KITLG: variants seen among roughly 807,000 people sequenced by gnomAD.
The protein encoded by KITLG is KIT ligand.
A neutral mutation model predicts 34.1 loss-of-function variants in KITLG; 13 were observed. The observed-to-expected ratio is 0.38, with a 90% confidence interval of 0.25 to 0.61. KITLG has a LOEUF of 0.61. KITLG is among the 20% of genes least tolerant of loss of function. The pLI is 0.60. For synonymous variants in KITLG, 110 were observed against 104.0 expected (o/e 1.06, Z -0.35); for missense variants, 292 against 318.9 (o/e 0.92, Z 0.64).
intron 1 of KITLG, among the ~76,000 whole-genome samples, chr12:88,553,598 G>C (rs1177524113): frequency 2.0e-5 from 3 of 151,978 alleles, no homozygotes; most frequent in Non-Finnish European, 4.4e-5. Flanking sequence ...TATCGTCCTG[G>C]GTAGTTCTCG....
At chr12:88,506,607 C>G (rs1448121533) in intron 7 of KITLG, among the ~76,000 whole-genome samples, 1 of 152,142 alleles carries the variant, frequency 6.6e-6, no homozygotes, top group East Asian at 1.9e-4. Context: ...GAAGCTGACA[C>G]TTAATCAAAT....
chr12:88,526,758 A>G (rs1869882360), intron 3 of KITLG, among the ~76,000 whole-genome samples: 1 of 152,160 alleles, frequency 6.6e-6, no homozygotes, highest in Non-Finnish European at 1.5e-5. Flanking sequence ...TCAGGATTCC[A>G]GGAATAGAGA....
At chr12:88,566,589 A>C (rs568723133) in intron 1 of KITLG, among the ~76,000 whole-genome samples, 1 of 152,238 alleles carries the variant, frequency 6.6e-6, no homozygotes, top group Non-Finnish European at 1.5e-5. Flanking sequence ...CGAGGCCCTC[A>C]GGGCCTTGGA....
At chr12:88,570,469 T>G (rs909816550) in intron 1 of KITLG, among the ~76,000 whole-genome samples, 2 of 152,064 alleles carry the variant, frequency 1.3e-5, no homozygotes, top group African/African-American at 2.4e-5. Flanking sequence ...CTGCTCTCAG[T>G]CTTTCTGGTG....
chr12:88,525,037 C>A (rs1434181450), intron 3 of KITLG, among the ~76,000 whole-genome samples: 1 of 152,122 alleles, frequency 6.6e-6, no homozygotes, highest in Admixed American at 6.6e-5. Flanking sequence ...CGTTCCTCCC[C>A]AAAATTGGTA....
intron 3 of KITLG, among the ~76,000 whole-genome samples, chr12:88,529,206 C>G (rs535920854): frequency 6.6e-5 from 10 of 151,986 alleles, no homozygotes; most frequent in African/African-American, 2.2e-4. Context: ...TACAAGCAAC[C>G]CACAGTTTAT....
intron 2 of KITLG, among the ~76,000 whole-genome samples, chr12:88,540,416 T>C (rs559883897): frequency 5.5e-4 from 83 of 152,228 alleles, no homozygotes; most frequent in African/African-American, 2.0e-3. Context: ...CTAAAAATAG[T>C]TATCTTGTAA....
rs530277497 is a variant in KITLG at position 88,492,914 on chromosome 12, A to G, written c.*4305T>C. 4 of 152,414 alleles carry G rather than the reference A, an allele frequency of 2.6e-5. No individual in the cohort carries two copies. The highest frequency in any genetic ancestry group is 9.7e-5 in the African/African-American group (4 of 41,436). The allele number at this position is 152,414 out of a possible 1,614,324, so 9.4% of individuals were successfully genotyped here. ...CACCTATTTTAAAAAGTACACATAC[A>G]GTATATACACATACACATCACATTT... is the stretch of plus-strand genomic sequence containing the variant. On this transcript the variant is annotated 3_prime_UTR_variant, in exon 10 of 10. Transcript: ENST00000644744.
intron 1 of KITLG, among the ~76,000 whole-genome samples, chr12:88,558,236 C>T (rs1332717067): frequency 6.6e-6 from 1 of 151,838 alleles, no homozygotes; most frequent in Non-Finnish European, 1.5e-5. Flanking sequence ...TTTAGTCTCA[C>T]AAGACCTTTT....
chr12:88,537,919 G>T (rs1389906312), intron 2 of KITLG, among the ~76,000 whole-genome samples: 1 of 152,132 alleles, frequency 6.6e-6, no homozygotes, highest in Non-Finnish European at 1.5e-5. Flanking sequence ...AGGTTCTGGA[G>T]ACAGACCACT....
intron 1 of KITLG, among the ~76,000 whole-genome samples, chr12:88,558,908 G>A (rs940354299): frequency 6.6e-6 from 1 of 152,122 alleles, no homozygotes; most frequent in Non-Finnish European, 1.5e-5. Context: ...CATACTAGGT[G>A]CTCTTGATTT....
chr12:88,526,612 A>G (rs1869876470), intron 3 of KITLG, among the ~76,000 whole-genome samples: 2 of 152,166 alleles, frequency 1.3e-5, no homozygotes, highest in Admixed American at 6.5e-5. Context: ...TATCTATTAA[A>G]TCATCCCACA....
intron 1 of KITLG, among the ~76,000 whole-genome samples, chr12:88,551,737 A>G (rs1002948831): frequency 2.0e-5 from 3 of 152,204 alleles, no homozygotes; most frequent in Non-Finnish European, 2.9e-5. Context: ...AGCTTACAGC[A>G]GGAAGTATAA....
intron 3 of KITLG, among the ~76,000 whole-genome samples, chr12:88,519,472 A>T (rs535240259): frequency 1.1e-3 from 166 of 152,314 alleles, no homozygotes; most frequent in African/African-American, 3.7e-3. Context: ...AAAAGCACAA[A>T]TAATTTAATA....
intron 9 of KITLG, among the ~76,000 whole-genome samples, chr12:88,502,301 TA>T (rs1439985827): frequency 6.6e-6 from 1 of 152,178 alleles, no homozygotes; most frequent in African/African-American, 2.4e-5. Flanking sequence ...AATAATTTAT[TA>T]GTTAATTTCT....
intron 1 of KITLG, among the ~76,000 whole-genome samples, chr12:88,556,782 T>C (rs1428546558): frequency 3.3e-5 from 5 of 151,924 alleles, no homozygotes; most frequent in East Asian, 1.9e-4. Context: ...TGAGAGAATG[T>C]GAAGCCAAAT....
intron 1 of KITLG, among the ~76,000 whole-genome samples, chr12:88,570,850 C>T (rs1871628004): frequency 6.6e-6 from 1 of 152,230 alleles, no homozygotes; most frequent in African/African-American, 2.4e-5. Context: ...GGTGTTTCAC[C>T]CATGGGGAGT....
Position 88,580,449 on chromosome 12 carries a change from C to T in KITLG, c.-171G>A. The T allele has an allele frequency of 1.3e-6, 1 of 779,590 alleles. No individual in the cohort carries two copies. Among genetic ancestry groups the T allele is most frequent in the Non-Finnish European group, 2.1e-6 (1 of 480,968 alleles). The allele number at this position is 779,590 out of a possible 1,614,324, so 48.3% of individuals were successfully genotyped here. ...CTGCTTCCCGCAGCGCTTCTAGTCT[C>T]GGCGCGAGGCGGCGAGCGAAGCCCG... On this transcript the variant is annotated 5_prime_UTR_variant, in exon 1 of 10. Coordinates refer to ENST00000644744, the MANE Select transcript of KITLG (RefSeq NM_000899.5).
chr12:88,542,796 C>T (rs190974166), intron 2 of KITLG, among the ~76,000 whole-genome samples: 4 of 152,222 alleles, frequency 2.6e-5, no homozygotes, highest in African/African-American at 7.2e-5. Flanking sequence ...GCCCTTAGAG[C>T]TGTACCTTAA....
Sources: gnomAD v4.1 joint callset for allele counts (sites outside exome capture counted in the v4.1 genomes callset) on GRCh38, gnomAD v4.1.1 for gene constraint, MANE v1.5 for transcripts, NCBI Gene and HGNC (gene_info 2026-07-23, HGNC 2026-07-21) for gene names.